Variants in LRP1B observed in about 807,000 individuals in gnomAD.
LRP1B encodes LDL receptor related protein 1B, also known as low-density lipoprotein receptor-related protein 1B.
LRP1B carries 217 observed loss-of-function variants against 556.6 expected under a neutral mutation model. That is an observed-to-expected ratio of 0.39 (90% CI 0.35 to 0.44). The LOEUF (loss-of-function observed/expected upper bound fraction) is 0.44. Ranked by LOEUF, LRP1B falls within the 20% of genes least tolerant of loss-of-function variation. The probability of loss-of-function intolerance (pLI) is 1.00; values close to 1 mark genes in which losing one functional copy is unlikely to be tolerated. For synonymous variants in LRP1B, 2,047 were observed against 1,865.8 expected, an observed-to-expected ratio of 1.10 and a Z score of -2.50; for missense variants, 5,053 against 5,620.8, an observed-to-expected ratio of 0.90 and a Z score of 3.23.
chr2:140,269,308 C>A, intron 86 of LRP1B: 1 of 470,952 alleles, frequency 2.1e-6, no homozygotes, highest in South Asian at 1.5e-5. Flanking sequence ...GTGCAAATCC[C>A]CTCATTCTGA....
intron 7 of LRP1B, among the ~76,000 whole-genome samples, chr2:141,152,076 G>T (rs1435391538): frequency 6.6e-6 from 1 of 151,988 alleles, no homozygotes; most frequent in Non-Finnish European, 1.5e-5. Context: ...ATCTAACTGG[G>T]TCATAATGAA....
intron 2 of LRP1B, among the ~76,000 whole-genome samples, chr2:141,585,422 CGTGTGTGTGTGTGTGTGTGTGTGT>C (rs3041302): frequency 7.7e-5 from 10 of 129,170 alleles, no homozygotes; most frequent in Admixed American, 2.4e-4. Flanking sequence ...CTGAAATAAT[CGTGTGTGTGTGTGTGTGTGTGTGT>C]GTGTGTGTGT....
At chr2:140,343,765 T>C (rs1284994011) in intron 77 of LRP1B, among the ~76,000 whole-genome samples, 6 of 151,706 alleles carry the variant, frequency 4.0e-5, no homozygotes, top group Non-Finnish European at 8.8e-5. Flanking sequence ...GAATGCCTTA[T>C]TGATATATGC....
intron 3 of LRP1B, among the ~76,000 whole-genome samples, chr2:141,305,460 ATTTG>A (rs949072376): frequency 6.6e-6 from 1 of 151,850 alleles, no homozygotes; most frequent in Non-Finnish European, 1.5e-5. Flanking sequence ...AATTTACTGG[ATTTG>A]TTTGTCAGTT....
intron 3 of LRP1B, among the ~76,000 whole-genome samples, chr2:141,349,211 T>A (rs1004846761): frequency 6.6e-6 from 1 of 152,014 alleles, no homozygotes; most frequent in Non-Finnish European, 1.5e-5. Flanking sequence ...TGTAAATAAC[T>A]AATCAATAAA....
intron 3 of LRP1B, among the ~76,000 whole-genome samples, chr2:141,282,809 TAAAGAAA>T (rs1218484224): frequency 6.6e-6 from 1 of 152,086 alleles, no homozygotes; most frequent in Non-Finnish European, 1.5e-5. Context: ...GCAAAACATG[TAAAGAAA>T]AAGTATAAGA....
intron 53 of LRP1B, among the ~76,000 whole-genome samples, chr2:140,503,307 T>C (rs530123678): frequency 2.8e-4 from 42 of 152,180 alleles, no homozygotes; most frequent in African/African-American, 9.9e-4. Context: ...AAAACTCAAG[T>C]TGGAAACTAA....
At chr2:142,037,604 C>A (rs1159995682) in intron 1 of LRP1B, among the ~76,000 whole-genome samples, 13 of 151,544 alleles carry the variant, frequency 8.6e-5, no homozygotes, top group Admixed American at 8.6e-4. Context: ...AAAGATGGGA[C>A]AATCTGGTTC....
In LRP1B at chr2:140,786,931, C is replaced by G. The variant is rs940852456; in HGVS notation, c.5360-10693G>C. On this transcript the variant is annotated intron_variant, in intron 32 of 90. Coordinates refer to ENST00000389484, the MANE Select transcript of LRP1B (RefSeq NM_018557.3). Reference sequence around the variant, plus strand: ...GAGGAGTTAGCTGACAGAAACAAGGCAGCTCTGAATGACTGCTTGCTGGGA... The same window carrying G: ...GAGGAGTTAGCTGACAGAAACAAGGGAGCTCTGAATGACTGCTTGCTGGGA... Among the ~76,000 whole-genome samples, 20 of 152,070 alleles carry G rather than the reference C, an allele frequency of 1.3e-4. 1 individual carries two copies. The highest frequency in any genetic ancestry group is 2.1e-4 in the Non-Finnish European group (14 of 68,002).
chr2:141,032,282 G>A (rs1482686265), intron 11 of LRP1B, among the ~76,000 whole-genome samples: 1 of 151,942 alleles, frequency 6.6e-6, no homozygotes, highest in Non-Finnish European at 1.5e-5. Flanking sequence ...TCATCTGATG[G>A]ACTTTATATT....
At chr2:141,502,068 C>T (rs1463350177) in intron 2 of LRP1B, among the ~76,000 whole-genome samples, 1 of 152,122 alleles carries the variant, frequency 6.6e-6, no homozygotes, top group African/African-American at 2.4e-5. Context: ...AACACTCCCC[C>T]CAAACAAATA....
rs546952605 is a variant in LRP1B, at chr2:141,000,545, G to C, written c.2503+4790C>G. On this transcript the variant is annotated intron_variant, in intron 15 of 90. Transcript: ENST00000389484. ...AGATGCCACAGGCTTCTCTCCTCAGGGACTACAGACTAGGTTAAGGGTCAG... is the reference window on the plus strand; with the variant it reads ...AGATGCCACAGGCTTCTCTCCTCAGCGACTACAGACTAGGTTAAGGGTCAG... Among the ~76,000 whole-genome samples, 9 of 151,998 alleles carry C rather than the reference G, an allele frequency of 5.9e-5. No homozygotes were observed. The East Asian group carries it at 1.8e-3, about 30-fold the overall frequency.
At chr2:141,935,542 C>T (rs1168524270) in intron 1 of LRP1B, among the ~76,000 whole-genome samples, 1 of 151,926 alleles carries the variant, frequency 6.6e-6, no homozygotes, top group Non-Finnish European at 1.5e-5. Flanking sequence ...TAAAATAAGG[C>T]ATATGAAATA....
At chr2:141,371,102 G>A (rs1292672784) in intron 3 of LRP1B, among the ~76,000 whole-genome samples, 1 of 152,066 alleles carries the variant, frequency 6.6e-6, no homozygotes, top group East Asian at 1.9e-4. Context: ...TCCTACCTCA[G>A]CCTCCTGAGT....
chr2:141,960,875 A>G (rs1027187292), intron 1 of LRP1B, among the ~76,000 whole-genome samples: 24 of 151,966 alleles, frequency 1.6e-4, no homozygotes, highest in African/African-American at 5.8e-4. Flanking sequence ...TTTTAAAAGC[A>G]TAATATCTTA....
intron 37 of LRP1B, among the ~76,000 whole-genome samples, chr2:140,710,433 T>C (rs1177465799): frequency 6.6e-6 from 1 of 151,986 alleles, no homozygotes; most frequent in African/African-American, 2.4e-5. Flanking sequence ...TAAATAACTG[T>C]AAAGGATATC....
intron 37 of LRP1B, among the ~76,000 whole-genome samples, chr2:140,714,331 G>T (rs1463644991): frequency 2.0e-5 from 3 of 152,074 alleles, no homozygotes; most frequent in Non-Finnish European, 4.4e-5. Context: ...AGTATATGAA[G>T]ATTCTTTTGC....
chr2:141,904,063 A>G (rs1699692464), intron 1 of LRP1B, among the ~76,000 whole-genome samples: 1 of 151,968 alleles, frequency 6.6e-6, no homozygotes, highest in South Asian at 2.1e-4. Context: ...AAACGCATAG[A>G]ATCATATGTC....
Position 141,019,479 on chromosome 2 carries a change from G to T in LRP1B, c.1970+443C>A, listed in dbSNP as rs149576148. ...ATAGCAACGAATTCAGAGGATTATT[G>T]TAAGGGTTACAAAATAGGGTCAGAG... On this transcript the variant is annotated intron_variant, in intron 12 of 90. Coordinates refer to ENST00000389484, the MANE Select transcript of LRP1B (RefSeq NM_018557.3). Among the ~76,000 whole-genome samples the T allele has an allele frequency of 4.0e-4, 61 of 152,160 alleles. 1 individual carries two copies. Among genetic ancestry groups the T allele is most frequent in the African/African-American group, 1.4e-3 (60 of 41,556 alleles).
Sources: gnomAD v4.1 joint callset for allele counts (sites outside exome capture counted in the v4.1 genomes callset) on GRCh38, gnomAD v4.1.1 for gene constraint, MANE v1.5 for transcripts, NCBI Gene and HGNC (gene_info 2026-07-23, HGNC 2026-07-21) for gene names.